C1GALT1: variants seen among roughly 807,000 people sequenced by gnomAD.
The protein encoded by C1GALT1 is glycoprotein-N-acetylgalactosamine 3-beta-galactosyltransferase 1.
C1GALT1 carries 11 observed loss-of-function variants against 31.0 expected under a neutral mutation model. That is an observed-to-expected ratio of 0.36 (90% CI 0.22 to 0.59). The LOEUF (loss-of-function observed/expected upper bound fraction) is 0.59, where lower values mean the gene tolerates loss of function less well. C1GALT1 is among the 20% of genes least tolerant of loss of function. The pLI, the probability that C1GALT1 is intolerant of heterozygous loss-of-function variation, is 0.79. For missense variants in C1GALT1, 424 were observed against 425.2 expected (o/e 1.00, Z 0.03); for synonymous variants, 175 against 143.6 (o/e 1.22, Z -1.56).
rs371801368 is a variant in C1GALT1, at chr7:7,243,863, A to G, written c.*136A>G. The G allele has an allele frequency of 1.8e-5, 11 of 626,352 alleles. No homozygotes were observed. The South Asian group carries it at 2.5e-4, about 14-fold the overall frequency. The allele number at this position is 626,352 out of a possible 1,614,324, so 38.8% of individuals were successfully genotyped here. On this transcript the variant is annotated 3_prime_UTR_variant, in exon 4 of 4. Transcript: ENST00000436587. ...TTCCTTATAGAAACCTTTCACATGA[A>G]TGACTATAAACTGAAGCTTTAAATG...
chr7:7,229,328 G>A (rs1782953720), intron 1 of C1GALT1, among the ~76,000 whole-genome samples: 1 of 152,182 alleles, frequency 6.6e-6, no homozygotes, highest in South Asian at 2.1e-4. Context: ...GAGAGAATCA[G>A]AGGATGTAGA....
chr7:7,160,209 C>T (rs539246418), intron 2 of C1GALT1, among the ~76,000 whole-genome samples: 4 of 152,178 alleles, frequency 2.6e-5, no homozygotes, highest in African/African-American at 7.2e-5. Flanking sequence ...AGATCTGTTT[C>T]TTCTCAACTC....
chr7:7,168,842 G>A (rs930341759), intron 2 of C1GALT1, among the ~76,000 whole-genome samples: 49 of 152,070 alleles, frequency 3.2e-4, no homozygotes, highest in African/African-American at 1.1e-3. Context: ...AATATACACC[G>A]AATCATTTCT....
chr7:7,236,853 C>T (rs781450418), intron 2 of C1GALT1, among the ~76,000 whole-genome samples: 28 of 152,246 alleles, frequency 1.8e-4, no homozygotes, highest in Non-Finnish European at 2.9e-4. Flanking sequence ...ATGTTCCACC[C>T]AGCTTTTCCC....
At chr7:7,157,913 C>G (rs963665464) in intron 2 of C1GALT1, among the ~76,000 whole-genome samples, 1 of 152,150 alleles carries the variant, frequency 6.6e-6, no homozygotes. Flanking sequence ...ATTTTCCTCC[C>G]AGGCATGTTT....
In C1GALT1 at chr7:7,247,993, G is replaced by A. The variant is rs1249390783; in HGVS notation, c.*4266G>A. The A allele has an allele frequency of 4.0e-5, 6 of 151,724 alleles. No individual in the cohort carries two copies. The highest frequency in any genetic ancestry group is 1.9e-4 in the East Asian group (1 of 5,194). The allele number at this position is 151,724 out of a possible 1,614,324, so 9.4% of individuals were successfully genotyped here. ...TTATTAAAGGAAGTAAAGTTATTTG[G>A]GTTCTTCCACTCACCCTTTTCTCAA... On this transcript the variant is annotated 3_prime_UTR_variant, in exon 4 of 4. Transcript: ENST00000436587.
At chr7:7,196,970 A>G (rs1197975782) in intron 1 of C1GALT1, among the ~76,000 whole-genome samples, 1 of 152,008 alleles carries the variant, frequency 6.6e-6, no homozygotes, top group Admixed American at 6.6e-5. Flanking sequence ...AGATTGTAAA[A>G]ATTTTCTCCC....
intron 1 of C1GALT1, among the ~76,000 whole-genome samples, chr7:7,210,948 A>G (rs1433720683): frequency 1.3e-5 from 2 of 152,286 alleles, no homozygotes; most frequent in East Asian, 3.9e-4. Flanking sequence ...ATAATTTCTT[A>G]ATAACTCCTA....
chr7:7,229,515 T>C (rs915211374), intron 1 of C1GALT1, among the ~76,000 whole-genome samples: 1 of 152,198 alleles, frequency 6.6e-6, no homozygotes, highest in Non-Finnish European at 1.5e-5. Flanking sequence ...GTCTTGATCA[T>C]GTATACTGCT....
upstream of C1GALT1, among the ~76,000 whole-genome samples, chr7:7,179,752 C>G (rs1163080657): frequency 6.6e-6 from 1 of 151,444 alleles, no homozygotes; most frequent in East Asian, 1.9e-4. Context: ...AACCATGGAC[C>G]TAGGCACCTC....
intron 2 of C1GALT1, among the ~76,000 whole-genome samples, chr7:7,175,967 A>C (rs1349966335): frequency 6.6e-6 from 1 of 152,064 alleles, no homozygotes; most frequent in Admixed American, 6.6e-5. Flanking sequence ...AAAACCCCAA[A>C]AGGATAGGGT....
At chr7:7,209,874 A>G (rs1286351346) in intron 1 of C1GALT1, among the ~76,000 whole-genome samples, 1 of 152,120 alleles carries the variant, frequency 6.6e-6, no homozygotes, top group African/African-American at 2.4e-5. Flanking sequence ...AAAACGGCCT[A>G]TTTATAAAAA....
intron 1 of C1GALT1, among the ~76,000 whole-genome samples, chr7:7,224,471 C>CG (rs1466700895): frequency 5.8e-5 from 7 of 121,556 alleles, no homozygotes; most frequent in East Asian, 2.5e-4. Context: ...GGGTCAGGGG[C>CG]GGGGGGTGAG....
chr7:7,170,191 T>C (rs1271887350), intron 2 of C1GALT1, among the ~76,000 whole-genome samples: 1 of 152,218 alleles, frequency 6.6e-6, no homozygotes, highest in Non-Finnish European at 1.5e-5. Flanking sequence ...TTTTGTCAGT[T>C]TAGCTAAAGG....
chr7:7,179,281 A>G (rs1239533613), upstream of C1GALT1, among the ~76,000 whole-genome samples: 1 of 152,238 alleles, frequency 6.6e-6, no homozygotes, highest in Non-Finnish European at 1.5e-5. Flanking sequence ...AGAACAAGTC[A>G]TTTAATACAG....
At chr7:7,224,687 C>G (rs1290409927) in intron 1 of C1GALT1, among the ~76,000 whole-genome samples, 2 of 152,064 alleles carry the variant, frequency 1.3e-5, no homozygotes, top group South Asian at 4.1e-4. Flanking sequence ...GAAATAACCC[C>G]TGTATTATTC....
At chr7:7,173,743 A>C (rs187102128) in intron 2 of C1GALT1, among the ~76,000 whole-genome samples, 2 of 152,220 alleles carry the variant, frequency 1.3e-5, no homozygotes, top group Admixed American at 6.5e-5. Context: ...TTCTATAAAA[A>C]ATACAAAAAA....
At chr7:7,199,161 C>T (rs1209518557) in intron 1 of C1GALT1, among the ~76,000 whole-genome samples, 2 of 152,180 alleles carry the variant, frequency 1.3e-5, no homozygotes, top group African/African-American at 4.8e-5. Context: ...CCTGCTTTCT[C>T]TTGTGGTCAT....
intron 1 of C1GALT1, among the ~76,000 whole-genome samples, chr7:7,234,093 C>G (rs533772066): frequency 3.3e-5 from 5 of 152,238 alleles, no homozygotes; most frequent in Admixed American, 3.3e-4. Flanking sequence ...ATACCCCACC[C>G]CAACTGTGAC....
Sources: allele counts gnomAD v4.1 joint callset (sites outside exome capture counted in the v4.1 genomes callset), GRCh38; gene constraint gnomAD v4.1.1; transcripts MANE v1.5; gene names NCBI Gene and HGNC (gene_info 2026-07-23, HGNC 2026-07-21).